Variants in SOX5 observed in about 807,000 individuals in gnomAD.
The protein encoded by SOX5 is transcription factor SOX-5.
In SOX5, 9 loss-of-function variants were observed where a neutral mutation model predicts 92.0. The observed-to-expected ratio is 0.10, with a 90% confidence interval of 0.06 to 0.17. The LOEUF is 0.17. Ranked by LOEUF, SOX5 falls within the 10% of genes least tolerant of loss-of-function variation. The pLI is 1.00. For synonymous variants in SOX5, 344 were observed against 336.3 expected (o/e 1.02, Z -0.25); for missense variants, 642 against 944.5 (o/e 0.68, Z 4.20).
intron 4 of SOX5, among the ~76,000 whole-genome samples, chr12:24,018,924 A>G (rs78856276): frequency 0.078 from 11,805 of 152,288 alleles, 632 homozygotes; most frequent in Non-Finnish European, 0.12. Flanking sequence ...CCCTTCACAC[A>G]AAATTCTTAT....
At chr12:24,303,991 C>T (rs74068493) in intron 2 of SOX5, among the ~76,000 whole-genome samples, 5,068 of 152,066 alleles carry the variant, frequency 0.033, 289 homozygotes, top group African/African-American at 0.12. Context: ...TAATGGAGCT[C>T]GATGGTTCTT....
intron 3 of SOX5, among the ~76,000 whole-genome samples, chr12:24,271,260 C>T (rs1179452068): frequency 1.3e-5 from 2 of 152,158 alleles, no homozygotes; most frequent in African/African-American, 4.8e-5. Flanking sequence ...TATCTCCTGG[C>T]TACTACTGAG....
At chr12:24,545,037 G>C (rs945706764) in intron 1 of SOX5, among the ~76,000 whole-genome samples, 1 of 152,104 alleles carries the variant, frequency 6.6e-6, no homozygotes, top group African/African-American at 2.4e-5. Context: ...TACATGATCA[G>C]AAAAATTAGG....
chr12:24,528,152 GA>G (rs1950874259), intron 1 of SOX5, among the ~76,000 whole-genome samples: 1 of 152,218 alleles, frequency 6.6e-6, no homozygotes, highest in African/African-American at 2.4e-5. Flanking sequence ...AGGAAGCTAA[GA>G]AATTTGAGGG....
At chr12:23,973,628 A>G (rs1948600007) in intron 4 of SOX5, among the ~76,000 whole-genome samples, 1 of 152,138 alleles carries the variant, frequency 6.6e-6, no homozygotes, top group African/African-American at 2.4e-5. Context: ...TCCAATACTC[A>G]TGGTGGATGC....
intron 3 of SOX5, among the ~76,000 whole-genome samples, chr12:24,250,633 G>A (rs1231273817): frequency 1.3e-5 from 2 of 152,174 alleles, no homozygotes; most frequent in Non-Finnish European, 2.9e-5. Flanking sequence ...GAATAACGTG[G>A]ACAATTGAGT....
chr12:23,929,483 C>G (rs1425121408), intron 1 of SOX5, among the ~76,000 whole-genome samples: 2 of 151,774 alleles, frequency 1.3e-5, no homozygotes, highest in Non-Finnish European at 2.9e-5. Context: ...GTTCACACAT[C>G]ATGGGGCTAG....
chr12:24,285,553 C>T (rs921379938), intron 2 of SOX5, among the ~76,000 whole-genome samples: 1 of 152,180 alleles, frequency 6.6e-6, no homozygotes, highest in Non-Finnish European at 1.5e-5. Context: ...AATTCTACAT[C>T]AGTGCCTAAC....
intron 1 of SOX5, among the ~76,000 whole-genome samples, chr12:23,905,274 C>T (rs1415771006): frequency 2.0e-5 from 3 of 152,190 alleles, no homozygotes; most frequent in Non-Finnish European, 4.4e-5. Flanking sequence ...TTCCATCCTA[C>T]AATGATTCAG....
chr12:24,333,029 G>A (rs1403402708), intron 2 of SOX5, among the ~76,000 whole-genome samples: 1 of 151,736 alleles, frequency 6.6e-6, no homozygotes, highest in African/African-American at 2.4e-5. Context: ...AAGATTTTTG[G>A]AAACAAAAAC....
chr12:23,695,974 CAACAAAAAACAA>C (rs1430853578), intron 6 of SOX5, among the ~76,000 whole-genome samples: 3 of 112,392 alleles, frequency 2.7e-5, no homozygotes, highest in Non-Finnish European at 5.6e-5. Context: ...AAAAAGAACA[CAACAAAAAACAA>C]AACAAAAAAA....
intron 1 of SOX5, among the ~76,000 whole-genome samples, chr12:23,915,702 G>A (rs981658527): frequency 6.6e-6 from 1 of 151,950 alleles, no homozygotes; most frequent in African/African-American, 2.4e-5. Context: ...AAATAACATA[G>A]ATAAAAGAAA....
chr12:23,556,865 C>T (rs1470263855), intron 11 of SOX5, among the ~76,000 whole-genome samples: 3 of 152,202 alleles, frequency 2.0e-5, no homozygotes, highest in East Asian at 3.9e-4. Flanking sequence ...ACTACATACA[C>T]TGTGTCAGTT....
intron 1 of SOX5, among the ~76,000 whole-genome samples, chr12:24,438,444 C>CAT (rs544140466): frequency 3.0e-4 from 45 of 151,766 alleles, no homozygotes; most frequent in East Asian, 9.7e-4. Flanking sequence ...AAAAAATATA[C>CAT]ATATATATAT....
intron 6 of SOX5, among the ~76,000 whole-genome samples, chr12:23,709,647 G>T (rs1027780929): frequency 2.0e-5 from 3 of 152,124 alleles, no homozygotes; most frequent in Non-Finnish European, 4.4e-5. Context: ...AGTAATAATT[G>T]TTATGTCACC....
At chr12:23,891,360 A>G (rs2097128092) in intron 2 of SOX5, among the ~76,000 whole-genome samples, 1 of 152,174 alleles carries the variant, frequency 6.6e-6, no homozygotes, top group African/African-American at 2.4e-5. Context: ...TACTTCCTCA[A>G]AGTCTTTATA....
chr12:23,646,360 T>A (rs1286120941), intron 7 of SOX5, among the ~76,000 whole-genome samples: 1 of 151,996 alleles, frequency 6.6e-6, no homozygotes, highest in African/African-American at 2.4e-5. Flanking sequence ...AAAGGCAAGG[T>A]TTTTTAATAT....
intron 1 of SOX5, among the ~76,000 whole-genome samples, chr12:24,398,660 T>C (rs73281496): frequency 0.07 from 10,658 of 152,252 alleles, 548 homozygotes; most frequent in African/African-American, 0.15. Flanking sequence ...GAAAAAAAGA[T>C]GCATTAATAG....
chr12:24,382,231 A>G (rs1343192426), intron 1 of SOX5, among the ~76,000 whole-genome samples: 1 of 152,206 alleles, frequency 6.6e-6, no homozygotes, highest in Non-Finnish European at 1.5e-5. Flanking sequence ...CTCCGTAAGA[A>G]GCTGCCATTT....
Sources: allele counts gnomAD v4.1 joint callset (sites outside exome capture counted in the v4.1 genomes callset), GRCh38; gene constraint gnomAD v4.1.1; transcripts MANE v1.5; gene names NCBI Gene and HGNC (gene_info 2026-07-23, HGNC 2026-07-21).